STEAP3: variants seen among roughly 807,000 people sequenced by gnomAD.
The protein encoded by STEAP3 is STEAP3 metalloreductase.
Under a neutral mutation model 34.9 loss-of-function variants are expected in STEAP3, and 35 were observed. The ratio of observed to expected loss-of-function variants is 1.00; its 90% CI spans 0.76 to 1.33. The LOEUF (loss-of-function observed/expected upper bound fraction) is 1.33, where lower values mean the gene tolerates loss of function less well. STEAP3 is among the 40% of genes most tolerant of loss of function. STEAP3 has a pLI of 0.00. For synonymous variants in STEAP3, 281 were observed against 301.6 expected, an observed-to-expected ratio of 0.93 and a Z score of 0.71; for missense variants, 652 against 667.6, an observed-to-expected ratio of 0.98 and a Z score of 0.26.
At chr2:119,227,499 G>A (rs1359663617) in intron 1 of STEAP3, among the ~76,000 whole-genome samples, 5 of 152,202 alleles carry the variant, frequency 3.3e-5, no homozygotes, top group African/African-American at 9.7e-5. Flanking sequence ...ACCGGGCAGC[G>A]TGGGCAACAA....
In STEAP3 at chr2:119,260,534, G is replaced by A. The variant is rs527454947; in HGVS notation, c.1216-2523G>A. ...TGGTCTTGAACTCCCAACCTCAGGT[G>A]ATCTGCCCGCCTCGGCCTCCCAAAG... is the stretch of plus-strand genomic sequence containing the variant. On this transcript the variant is annotated intron_variant, in intron 5 of 5. Coordinates refer to ENST00000393110, the MANE Select transcript of STEAP3 (RefSeq NM_182915.3). 1.1e-4 allele frequency among the ~76,000 whole-genome samples: 16 copies of A among 152,252 alleles called. 1 individual carries two copies. The highest frequency in any genetic ancestry group is 3.8e-4 in the African/African-American group (16 of 41,566).
intron 5 of STEAP3, among the ~76,000 whole-genome samples, chr2:119,256,030 G>C (rs1055457783): frequency 6.6e-6 from 1 of 152,216 alleles, no homozygotes; most frequent in Non-Finnish European, 1.5e-5. Context: ...CCTCCCATGA[G>C]TGGGAGCTGA....
chr2:119,226,935 C>G (rs1303312972), intron 1 of STEAP3, among the ~76,000 whole-genome samples: 2 of 152,130 alleles, frequency 1.3e-5, no homozygotes, highest in Non-Finnish European at 2.9e-5. Flanking sequence ...TTTTTCCACC[C>G]CTAACCTGAG....
At chr2:119,246,034 G>A in intron 3 of STEAP3, 46 bp downstream of exon 3, 2 of 1,566,814 alleles carry the variant, frequency 1.3e-6, no homozygotes, top group Non-Finnish European at 1.7e-6. Flanking sequence ...AAATATAAAT[G>A]GCTAATTTTC....
intron 2 of STEAP3, among the ~76,000 whole-genome samples, chr2:119,231,761 G>A (rs1676944922): frequency 6.6e-6 from 1 of 152,052 alleles, no homozygotes; most frequent in African/African-American, 2.4e-5. Flanking sequence ...AATGATTCCA[G>A]GCAGTATTAC....
chr2:119,247,682 C>G lies in STEAP3; in HGVS notation c.526C>G (p.Pro176Ala), dbSNP rs754139026. The change falls in exon 4 of 6, where the codon CCC becomes GCC. Residue 176 changes from proline (P) to alanine (A), a missense_variant. Transcript: ENST00000393110. ...CTGCCCCACTTTTCTCCCGCAGGTG[C>G]CCATCTGCGGTGACCAGCCAGAAGC... ...AGPRDGNRQV[P>A]ICGDQPEAKR... 26 of 1,519,758 alleles carry G rather than the reference C, an allele frequency of 1.7e-5. No individual in the cohort carries two copies. Among genetic ancestry groups the G allele is most frequent in the Non-Finnish European group, 2.1e-5 (24 of 1,138,998 alleles). 94.1% of individuals were successfully genotyped at this position (1,519,758 alleles called of 1,614,324 possible).
intron 2 of STEAP3, chr2:119,244,745 G>A (rs964478621): frequency 3.3e-5 from 5 of 152,072 alleles, no homozygotes; most frequent in South Asian, 2.1e-4. Flanking sequence ...CCGATGGCCC[G>A]AGTTCAGGGT....
rs955706769 is a variant in STEAP3 at position 119,252,777 on chromosome 2, G to A, written c.1051-1907G>A. Among the ~76,000 whole-genome samples, 3 of 152,108 alleles carry A rather than the reference G, an allele frequency of 2.0e-5. 1 individual carries two copies. Among genetic ancestry groups the A allele is most frequent in the South Asian group, 4.1e-4 (2 of 4,826 alleles). ...TGGCTTAGGTTCTGTCCTCATGCGG[G>A]TCTTTGCCATCCACTGCTCCCTAGC... is the stretch of plus-strand genomic sequence containing the variant. On this transcript the variant is annotated intron_variant, in intron 4 of 5. Coordinates refer to ENST00000393110, the MANE Select transcript of STEAP3 (RefSeq NM_182915.3).
At chr2:119,257,493 G>A (rs1677808500) in intron 5 of STEAP3, 13 of 1,542,096 alleles carry the variant, frequency 8.4e-6, no homozygotes, top group Non-Finnish European at 1.1e-5. Flanking sequence ...CACAGGCAGT[G>A]GAACCCGAAG....
intron 2 of STEAP3, among the ~76,000 whole-genome samples, chr2:119,231,966 C>G (rs1379465341): frequency 1.3e-5 from 2 of 152,136 alleles, no homozygotes; most frequent in African/African-American, 4.8e-5. Context: ...CAAAAGGGAC[C>G]TGGGATCAGG....
chr2:119,245,319 C>A, intron 2 of STEAP3, 170 bp from the exon 3 acceptor site: 2 of 895,192 alleles, frequency 2.2e-6, no homozygotes, highest in Middle Eastern at 3.5e-4. Flanking sequence ...AGGGAAGGGG[C>A]TGTGTTGTGT....
intron 5 of STEAP3, among the ~76,000 whole-genome samples, chr2:119,256,562 G>A (rs753733093): frequency 6.6e-6 from 1 of 152,172 alleles, no homozygotes; most frequent in Non-Finnish European, 1.5e-5. Context: ...GATTTTGTTA[G>A]CAAGAGCTGA....
At chr2:119,257,223 T>A (rs531099919) in intron 5 of STEAP3, among the ~76,000 whole-genome samples, 1 of 152,356 alleles carries the variant, frequency 6.6e-6, no homozygotes, top group Non-Finnish European at 1.5e-5. Flanking sequence ...TTTTCAGTTA[T>A]ATGGAATTGC....
At position 119,263,718 on chromosome 2, in the gene STEAP3, G is replaced by T. The variant is rs983712157; in HGVS notation, c.*380G>T. 8 of 337,196 alleles carry T rather than the reference G, an allele frequency of 2.4e-5. No individual in the cohort carries two copies. Among genetic ancestry groups the T allele is most frequent in the Admixed American group, 8.7e-5 (2 of 23,092 alleles). The allele number at this position is 337,196 out of a possible 1,614,324, so 20.9% of individuals were successfully genotyped here. A position where few individuals can be genotyped will look rare whatever the true frequency, so the allele number is the denominator to read the frequency against. On this transcript the variant is annotated 3_prime_UTR_variant, in exon 6 of 6. Coordinates refer to ENST00000393110, the MANE Select transcript of STEAP3 (RefSeq NM_182915.3). The stretch of plus-strand genomic sequence containing the variant: ...ACAGAAGAGGCTTGTGCTGTGGTGG[G>T]TTCGATTTATCCCTGCCCACCCCAC...
intron 5 of STEAP3, among the ~76,000 whole-genome samples, chr2:119,256,761 G>A (rs1006813280): frequency 4.6e-5 from 7 of 152,142 alleles, no homozygotes; most frequent in African/African-American, 7.2e-5. Context: ...ACATGTCAGC[G>A]GCGCCTGGGA....
intron 4 of STEAP3, among the ~76,000 whole-genome samples, chr2:119,253,372 T>C (rs1306532650): frequency 1.3e-5 from 2 of 152,210 alleles, no homozygotes; most frequent in Non-Finnish European, 2.9e-5. Flanking sequence ...GATGGCATTT[T>C]CTCTGTTTCT....
chr2:119,234,035 G>A (rs777050665), intron 2 of STEAP3, among the ~76,000 whole-genome samples: 30 of 152,208 alleles, frequency 2.0e-4, no homozygotes, highest in Non-Finnish European at 1.5e-4. Flanking sequence ...GAGGCTTCCA[G>A]AAAAAGGCAG....
rs771999099 is a variant in STEAP3, at chr2:119,263,192, G to A, written c.1351G>A (p.Val451Ile). ...CACGCTCACGCTGCTGGTGCCCTGC[G>A]TCGTCATCCTGGCCAAAGCCCTGTT... ...TFTLTLLVPCVVILAKALFLL... is the reference protein window; with the variant it reads ...TFTLTLLVPCIVILAKALFLL... Residue 451 changes from valine to isoleucine, a missense_variant, in exon 6 of 6, where the codon GTC (valine) becomes ATC (isoleucine). Physicochemically the swap from Val to Ile is conservative, Grantham distance 29. Transcript: ENST00000393110. 1.4e-5 allele frequency: 22 copies of A among 1,614,010 alleles called. No individual in the cohort carries two copies. The highest frequency in any genetic ancestry group is 1.1e-4 in the East Asian group (5 of 44,892).
chr2:119,246,057 CA>C, intron 3 of STEAP3, 69 bp downstream of exon 3: 1 of 1,532,678 alleles, frequency 6.5e-7, no homozygotes, highest in Non-Finnish European at 8.8e-7. Context: ...CGAGTGCTGC[CA>C]GCATGCTCTT....
Sources: gnomAD v4.1 joint callset for allele counts (sites outside exome capture counted in the v4.1 genomes callset) on GRCh38, gnomAD v4.1.1 for gene constraint, MANE v1.5 for transcripts, NCBI Gene and HGNC (gene_info 2026-07-23, HGNC 2026-07-21) for gene names.